The following MCM3AP variants were observed in gnomAD, a reference collection of about 807,000 sequenced individuals.
MCM3AP encodes germinal-center associated nuclear protein.
MCM3AP carries 126 observed loss-of-function variants against 184.1 expected under a neutral mutation model. The ratio of observed to expected loss-of-function variants is 0.68; its 90% CI spans 0.59 to 0.79. The LOEUF (loss-of-function observed/expected upper bound fraction) is 0.79. MCM3AP is among the 30% of genes least tolerant of loss of function. The pLI is 0.00. For missense variants in MCM3AP, 2,496 were observed against 2,479.2 expected, an observed-to-expected ratio of 1.01 and a Z score of -0.14; for synonymous variants, 1,002 against 979.3, an observed-to-expected ratio of 1.02 and a Z score of -0.43.
At position 46,235,422 on chromosome 21, in the gene MCM3AP, T is replaced by C; in HGVS notation, c.5789A>G (p.Asp1930Gly). The C allele has an allele frequency of 1.2e-6, 2 of 1,614,022 alleles. No individual in the cohort carries two copies. Among genetic ancestry groups the C allele is most frequent in the Non-Finnish European group, 1.7e-6 (2 of 1,179,936 alleles). ...CAGCTGCAGTTGCTCCCTCATCATG[T>C]CACTCTATTTGAATAAAAAAGAAAC... ...KTSVTTSPQS[D>G]MMREQLQLSE... Residue 1930 changes from aspartate (D) to glycine (G), a missense_variant, in exon 28 of 28, where the codon GAC becomes GGC. Physicochemically the swap from Asp to Gly is moderately conservative, Grantham distance 94. Transcript: ENST00000291688.
chr21:46,237,617 C>T (rs898882646), intron 26 of MCM3AP, among the ~76,000 whole-genome samples: 1 of 112,438 alleles, frequency 8.9e-6, no homozygotes, highest in Non-Finnish European at 1.8e-5. Flanking sequence ...GGCTAGTCTA[C>T]AACTCCTGAA....
At chr21:46,272,924 C>A in intron 7 of MCM3AP, 95 bp from the exon 8 acceptor site, 1 of 1,197,904 alleles carries the variant, frequency 8.3e-7, no homozygotes, top group South Asian at 1.6e-5. Flanking sequence ...TCTCACTTTT[C>A]AATTTGAAAC....
At chr21:46,254,554 G>C in intron 18 of MCM3AP, 28 bp from the exon 19 acceptor site, 2 of 1,613,446 alleles carry the variant, frequency 1.2e-6, no homozygotes, top group South Asian at 2.2e-5. Context: ...CCGTGGATTA[G>C]CCAGTGTGTG....
At chr21:46,264,270 T>C in intron 12 of MCM3AP, 53 bp from the exon 13 acceptor site, 2 of 1,168,330 alleles carry the variant, frequency 1.7e-6, no homozygotes, top group South Asian at 2.6e-5. Flanking sequence ...AGGGCAGAAA[T>C]GCTGGGTAAC....
chr21:46,241,052 GAGAAAATATT>G, intron 25 of MCM3AP, 35 bp from the exon 26 acceptor site: 1 of 1,464,478 alleles, frequency 6.8e-7, no homozygotes, highest in Non-Finnish European at 9.5e-7. Context: ...TTATGGTCAA[GAGAAAATATT>G]TCTACAGCAT....
In MCM3AP at chr21:46,285,242, A is replaced by G. The variant is rs1372230795; in HGVS notation, c.45T>C (p.Phe15=). 6.2e-7 allele frequency: 1 copy of G among 1,614,210 alleles called. No homozygotes were observed. The highest frequency in any genetic ancestry group is 2.2e-5 in the East Asian group (1 of 44,888). The change falls in exon 1 of 28, where the codon TTT becomes TTC. Residue 15 remains phenylalanine, a synonymous_variant. Coordinates refer to ENST00000291688, the MANE Select transcript of MCM3AP (RefSeq NM_003906.5). ...TTCCTACATTACTAGAAGACGCCGA[A>G]AAAGCACTAGGCTGCTGCCCACTGA... ...NPFSGQQPSA[F]SASSSNVGTL... is the part of the protein sequence containing the mutation.
chr21:46,235,329 C>T lies in MCM3AP; in HGVS notation c.5882G>A (p.Arg1961Lys), dbSNP rs766921331. Residue 1961 changes from arginine to lysine, a missense_variant, in exon 28 of 28, where the codon AGG becomes AAG. By Grantham distance (26) the Arg-to-Lys change is conservative. Around this residue, in one of 5 missense-constraint regions of MCM3AP, gnomAD observed 1,323 missense variants for 1,273.4 expected, o/e 1.04. Transcript: ENST00000291688. ...GAGCTCAGAGGCAACTTCCTCTTCC[C>T]TTGAACTCCGGATCAGCCTTTCCAG... ...KHLERLIRSS[R>K]EEEVASELHL... 2.1e-5 allele frequency: 34 copies of T among 1,614,192 alleles called. No homozygotes were observed. Among genetic ancestry groups the T allele is most frequent in the Non-Finnish European group, 2.8e-5 (33 of 1,180,022 alleles).
Position 46,254,380 on chromosome 21 carries a change from A to T in MCM3AP, c.4136+12T>A. On this transcript the variant is annotated intron_variant, in intron 19 of 27. Coordinates refer to ENST00000291688, the MANE Select transcript of MCM3AP (RefSeq NM_003906.5). Reference sequence around the variant, plus strand: ...CCTCTTGGAAACCCCACAGGGGAAAACCCTTCCTGACCTGCCACAACTCTC... The same window carrying T: ...CCTCTTGGAAACCCCACAGGGGAAATCCCTTCCTGACCTGCCACAACTCTC... 6.2e-7 allele frequency: 1 copy of T among 1,609,066 alleles called. No individual in the cohort carries two copies. The highest frequency in any genetic ancestry group is 8.5e-7 in the Non-Finnish European group (1 of 1,178,798).
chr21:46,261,129 C>A (rs2081035973), intron 14 of MCM3AP, 151 bp downstream of exon 14: 1 of 1,050,118 alleles, frequency 9.5e-7, no homozygotes, highest in South Asian at 1.5e-5. Flanking sequence ...TCCATCCACC[C>A]CCTGGGCTGA....
intron 17 of MCM3AP, among the ~76,000 whole-genome samples, chr21:46,255,471 G>A (rs1037417048): frequency 1.1e-4 from 16 of 152,106 alleles, no homozygotes; most frequent in Non-Finnish European, 1.6e-4. Flanking sequence ...GGTGGAAGCT[G>A]GCAGACAGGT....
rs1024622174 is a variant in MCM3AP at position 46,244,933 on chromosome 21, A to G, written c.4912T>C (p.Phe1638Leu). The stretch of plus-strand genomic sequence containing the variant: ...AGCCGGCTGCCCCCTGCCTCAGCAA[A>G]CTCAGTGACAGGCCAGGACAGGTCA... ...LCDLSWPVTE[F>L]AEAGGSRLLP... Residue 1638 changes from phenylalanine (F) to leucine (L), a missense_variant, in exon 23 of 28, where the codon TTT becomes CTT. Transcript: ENST00000291688. 6.2e-7 allele frequency: 1 copy of G among 1,614,200 alleles called. No individual in the cohort carries two copies. Among genetic ancestry groups the G allele is most frequent in the Non-Finnish European group, 8.5e-7 (1 of 1,180,036 alleles).
At chr21:46,266,818 C>G (rs533196166) in intron 10 of MCM3AP, 164 bp downstream of exon 10, 54 of 722,212 alleles carry the variant, frequency 7.5e-5, no homozygotes, top group African/African-American at 7.3e-4. Flanking sequence ...AGGATGTGAC[C>G]TTGGGAACAC....
At chr21:46,275,729 A>G (rs561451390) in intron 5 of MCM3AP, among the ~76,000 whole-genome samples, 2 of 152,328 alleles carry the variant, frequency 1.3e-5, no homozygotes, top group South Asian at 4.1e-4. Context: ...ATGTTTACTA[A>G]AAGGATTGAC....
intron 8 of MCM3AP, among the ~76,000 whole-genome samples, chr21:46,271,359 T>C (rs2081177693): frequency 6.6e-6 from 1 of 150,912 alleles, no homozygotes. Context: ...GATAGGGTCT[T>C]GCTTTGTCAC....
chr21:46,253,391 T>G (rs2080901729), intron 19 of MCM3AP: 3 of 152,254 alleles, frequency 2.0e-5, no homozygotes, highest in Non-Finnish European at 2.9e-5. Context: ...GGTCTAAGAC[T>G]GTTGCCAAGT....
intron 19 of MCM3AP, chr21:46,254,049 G>C (rs1348291829): frequency 3.2e-6 from 1 of 313,464 alleles, no homozygotes; most frequent in African/African-American, 2.2e-5. Flanking sequence ...CCTCCCCTTA[G>C]CCTTCCACCA....
At chr21:46,269,883 C>T (rs757916215) in intron 9 of MCM3AP, among the ~76,000 whole-genome samples, 7 of 152,282 alleles carry the variant, frequency 4.6e-5, no homozygotes, top group East Asian at 1.9e-4. Flanking sequence ...ACAAAATAAC[C>T]GACTGGAAAC....
chr21:46,257,050 G>T, intron 16 of MCM3AP, 64 bp from the exon 17 acceptor site: 2 of 1,542,688 alleles, frequency 1.3e-6, no homozygotes, highest in Non-Finnish European at 1.8e-6. Flanking sequence ...GAAACACATT[G>T]CAGTCAGAAC....
chr21:46,276,187 C>T (rs1029093766), intron 5 of MCM3AP, among the ~76,000 whole-genome samples: 3 of 151,404 alleles, frequency 2.0e-5, no homozygotes, highest in Admixed American at 1.3e-4. Flanking sequence ...GGGAGGCGGA[C>T]GTTGCAGTGA....
Sources: gnomAD v4.1 joint callset for allele counts (sites outside exome capture counted in the v4.1 genomes callset) on GRCh38, gnomAD v4.1.1 for gene constraint, gnomAD v4.1.1 regional missense constraint, MANE v1.5 for transcripts, NCBI Gene and HGNC (gene_info 2026-07-23, HGNC 2026-07-21) for gene names.